CCDC7: variants seen among roughly 807,000 people sequenced by gnomAD.
The protein encoded by CCDC7 is coiled-coil domain containing 7.
In CCDC7, 183 loss-of-function variants were observed where a neutral mutation model predicts 196.9. The observed-to-expected ratio is 0.93, with a 90% CI of 0.82 to 1.05. The LOEUF (loss-of-function observed/expected upper bound fraction) is 1.05. CCDC7 is among the 50% of genes least tolerant of loss of function. The pLI, the probability that CCDC7 is intolerant of heterozygous loss-of-function variation, is 0.00. For missense variants in CCDC7, 1,540 were observed against 1,482.2 expected (o/e 1.04, Z -0.64); for synonymous variants, 525 against 484.6 (o/e 1.08, Z -1.10).
chr10:32,521,137 A>G (rs182035421), intron 11 of CCDC7, among the ~76,000 whole-genome samples: 4 of 152,208 alleles, frequency 2.6e-5, no homozygotes, highest in Non-Finnish European at 1.5e-5. Context: ...AGTATAATTT[A>G]AAGTCAAATA....
At chr10:32,805,243 C>T (rs1208343444) in intron 30 of CCDC7, 145 bp downstream of exon 31, 3 of 611,340 alleles carry the variant, frequency 4.9e-6, no homozygotes, top group Non-Finnish European at 8.8e-6. Context: ...TTTGGTTTTA[C>T]TCTAGAACAT....
chr10:32,568,744 G>A (rs999127298), intron 15 of CCDC7, among the ~76,000 whole-genome samples: 8 of 152,084 alleles, frequency 5.3e-5, no homozygotes, highest in African/African-American at 1.9e-4. Flanking sequence ...GTGTATACGG[G>A]CTAGTCATTT....
At chr10:32,532,566 T>G (rs1320420449) in intron 11 of CCDC7, among the ~76,000 whole-genome samples, 1 of 152,134 alleles carries the variant, frequency 6.6e-6, no homozygotes, top group Admixed American at 6.5e-5. Context: ...TTGTGTGTTG[T>G]TTAAAGTCCC....
intron 20 of CCDC7, among the ~76,000 whole-genome samples, chr10:32,657,625 T>G (rs1461073459): frequency 1.3e-5 from 2 of 152,124 alleles, no homozygotes; most frequent in African/African-American, 2.4e-5. Context: ...CAGGAAACCA[T>G]TTTTTCCTCC....
chr10:32,708,198 C>A (rs1476916816), intron 24 of CCDC7, among the ~76,000 whole-genome samples: 2 of 152,072 alleles, frequency 1.3e-5, no homozygotes, highest in Non-Finnish European at 2.9e-5. Flanking sequence ...CTTTGACAAA[C>A]CTGACAAAAA....
chr10:32,829,339 G>C (rs1467643962), intron 32 of CCDC7, among the ~76,000 whole-genome samples: 6 of 152,212 alleles, frequency 3.9e-5, no homozygotes, highest in African/African-American at 1.4e-4. Flanking sequence ...GAAGAAGGCA[G>C]TCACCAATGC....
chr10:32,596,423 T>C (rs150516918), intron 18 of CCDC7, among the ~76,000 whole-genome samples: 6,465 of 152,216 alleles, frequency 0.042, 466 homozygotes, highest in African/African-American at 0.15. Flanking sequence ...TGAGCCTATG[T>C]GTGTCTCTGC....
intron 28 of CCDC7, among the ~76,000 whole-genome samples, chr10:32,731,007 T>G (rs554519477): frequency 2.0e-4 from 30 of 152,250 alleles, no homozygotes; most frequent in African/African-American, 7.2e-4. Context: ...CTTGATTTCC[T>G]TGAATCTTGA....
intron 28 of CCDC7, among the ~76,000 whole-genome samples, chr10:32,777,354 G>A (rs2080237883): frequency 6.6e-6 from 1 of 152,256 alleles, no homozygotes; most frequent in East Asian, 1.9e-4. Context: ...GGATGCATGT[G>A]TCCATTTGGT....
intron 5 of CCDC7, among the ~76,000 whole-genome samples, chr10:32,463,935 G>T (rs78701803): frequency 6.6e-6 from 1 of 152,046 alleles, no homozygotes; most frequent in African/African-American, 2.4e-5. Flanking sequence ...GAGAAGTAGG[G>T]GTAGAGTGAA....
intron 11 of CCDC7, among the ~76,000 whole-genome samples, chr10:32,534,751 C>T (rs376039572): frequency 2.0e-4 from 31 of 152,014 alleles, no homozygotes; most frequent in East Asian, 5.8e-4. Context: ...ATTCCTTCTA[C>T]GATGTGGTCC....
At chr10:32,729,854 T>C (rs998788477) in intron 28 of CCDC7, among the ~76,000 whole-genome samples, 1 of 152,192 alleles carries the variant, frequency 6.6e-6, no homozygotes, top group African/African-American at 2.4e-5. Context: ...TTATCTGTTA[T>C]TATGGCTCCA....
At position 32,565,677 on chromosome 10, in the gene CCDC7, G is replaced by T. The variant is rs540861230; in HGVS notation, c.1197+57G>T. On this transcript the variant is annotated intron_variant, in intron 14 of 41. Coordinates refer to ENST00000639629, the Ensembl canonical transcript of CCDC7. ...AACAAGTAAAGAAAATATCCACAAA[G>T]AACTTTTCAAATGAATAATTTTTAC... 12 of 1,553,692 alleles carry T rather than the reference G, an allele frequency of 7.7e-6. No homozygotes were observed. In the African/African-American group the frequency reaches 1.2e-4, roughly 16 times the overall value.
intron 29 of CCDC7, among the ~76,000 whole-genome samples, chr10:32,779,335 T>C (rs1248106966): frequency 6.6e-6 from 1 of 152,236 alleles, no homozygotes; most frequent in African/African-American, 2.4e-5. Flanking sequence ...ACAAAATACA[T>C]ATAGGCTTTC....
At chr10:32,506,748 G>A (rs527276196) in intron 9 of CCDC7, among the ~76,000 whole-genome samples, 7 of 138,994 alleles carry the variant, frequency 5.0e-5, no homozygotes, top group South Asian at 4.2e-4. Flanking sequence ...GGCACTCGGC[G>A]GGCCAAGGCA....
chr10:32,576,276 T>C (rs976194239), intron 16 of CCDC7, among the ~76,000 whole-genome samples: 16 of 145,052 alleles, frequency 1.1e-4, no homozygotes, highest in Non-Finnish European at 2.1e-4. Flanking sequence ...TGTGTTCCCA[T>C]GCACTGAGGT....
At chr10:32,822,132 A>T (rs148423879) in intron 31 of CCDC7, among the ~76,000 whole-genome samples, 3 of 152,326 alleles carry the variant, frequency 2.0e-5, no homozygotes, top group African/African-American at 7.2e-5. Context: ...AGAAATTCTA[A>T]AGAAATTTCT....
At chr10:32,460,452 T>A (rs534653907) in intron 3 of CCDC7, among the ~76,000 whole-genome samples, 1 of 152,288 alleles carries the variant, frequency 6.6e-6, no homozygotes, top group East Asian at 1.9e-4. Flanking sequence ...CTCGTTAAAC[T>A]AGGAGTGGTT....
chr10:32,688,630 C>T (rs940336198), intron 22 of CCDC7, among the ~76,000 whole-genome samples: 6 of 151,856 alleles, frequency 4.0e-5, no homozygotes, highest in African/African-American at 1.5e-4. Flanking sequence ...TTTTTTGGAC[C>T]ACATTATAGC....
Sources: allele counts gnomAD v4.1 joint callset (sites outside exome capture counted in the v4.1 genomes callset), GRCh38; gene constraint gnomAD v4.1.1; transcripts MANE v1.5; gene names NCBI Gene and HGNC (gene_info 2026-07-23, HGNC 2026-07-21).